The following SLIT3 variants were observed in gnomAD, a reference collection of about 807,000 sequenced individuals.
SLIT3 encodes the protein slit guidance ligand 3, also known as slit homolog 3 protein.
Under a neutral mutation model 184.0 loss-of-function variants are expected in SLIT3, and 68 were observed. The observed-to-expected ratio is 0.37, with a 90% CI of 0.30 to 0.45. SLIT3 has a LOEUF of 0.45. Among genes scored for constraint, SLIT3 ranks in the 20% least tolerant of loss-of-function variants. The pLI is 1.00. For missense variants in SLIT3, 1,707 were observed against 2,026.0 expected, an observed-to-expected ratio of 0.84 and a Z score of 3.02; for synonymous variants, 831 against 828.6, an observed-to-expected ratio of 1.00 and a Z score of -0.05.
Position 168,671,365 on chromosome 5 carries a change from G to C in SLIT3, c.3960C>G (p.Ala1320=). ...RINNELQDFK[A]LPPQSLGVSP... ...ACACCCCCAGGGACTGTGGTGGGAGGGCCTTGAAGTCCTGCAGCTCGTTGT... is the reference window on the plus strand; with the variant it reads ...ACACCCCCAGGGACTGTGGTGGGAGCGCCTTGAAGTCCTGCAGCTCGTTGT... Residue 1320 remains alanine (A), a synonymous_variant, in exon 34 of 36, where the codon GCC becomes GCG. Transcript: ENST00000519560. 1 of 1,614,154 alleles carries C rather than the reference G, an allele frequency of 6.2e-7. No individual in the cohort carries two copies. Among genetic ancestry groups the C allele is most frequent in the Non-Finnish European group, 8.5e-7 (1 of 1,180,016 alleles).
chr5:168,669,427 G>A (rs1261854875), intron 35 of SLIT3, among the ~76,000 whole-genome samples: 5 of 152,166 alleles, frequency 3.3e-5, no homozygotes, highest in African/African-American at 4.8e-5. Flanking sequence ...TGCTGCCTTG[G>A]GTTAGCCTAC....
At chr5:168,747,545 A>G (rs1754525441) in intron 20 of SLIT3, among the ~76,000 whole-genome samples, 1 of 152,142 alleles carries the variant, frequency 6.6e-6, no homozygotes, top group Non-Finnish European at 1.5e-5. Flanking sequence ...TCCTAGCTGC[A>G]GTGCTCTTGG....
chr5:168,710,871 G>A, intron 25 of SLIT3, 24 bp downstream of exon 25: 3 of 1,487,160 alleles, frequency 2.0e-6, no homozygotes, highest in Non-Finnish European at 2.7e-6. Flanking sequence ...GGGCAGGGGA[G>A]GGTGGGGTGT....
chr5:169,217,901 C>T (rs1196461094), intron 3 of SLIT3, among the ~76,000 whole-genome samples: 10 of 152,180 alleles, frequency 6.6e-5, no homozygotes, highest in African/African-American at 2.4e-4. Flanking sequence ...TGCTGTTTCC[C>T]GGCTGTCCAG....
At chr5:168,996,899 G>A (rs1239433670) in intron 4 of SLIT3, among the ~76,000 whole-genome samples, 3 of 152,172 alleles carry the variant, frequency 2.0e-5, no homozygotes, top group Non-Finnish European at 4.4e-5. Context: ...GAGGAGTGAT[G>A]TGTGGGAGAA....
At chr5:168,808,160 A>G (rs1032868002) in intron 8 of SLIT3, among the ~76,000 whole-genome samples, 2 of 150,930 alleles carry the variant, frequency 1.3e-5, no homozygotes, top group Non-Finnish European at 2.9e-5. Context: ...TCTAATGGAG[A>G]CCATGGAAAA....
intron 4 of SLIT3, among the ~76,000 whole-genome samples, chr5:169,159,275 A>C (rs1762400710): frequency 6.6e-6 from 1 of 150,442 alleles, no homozygotes; most frequent in Non-Finnish European, 1.5e-5. Context: ...ATAATACAAA[A>C]ATTAGCCATG....
chr5:168,807,899 G>A (rs962659382), intron 8 of SLIT3, among the ~76,000 whole-genome samples: 4 of 152,144 alleles, frequency 2.6e-5, no homozygotes, highest in South Asian at 4.1e-4. Context: ...CGCTCTCCGC[G>A]TTCAATAGTC....
intron 14 of SLIT3, among the ~76,000 whole-genome samples, chr5:168,765,608 A>G (rs1266765835): frequency 3.3e-5 from 5 of 152,190 alleles, no homozygotes; most frequent in Admixed American, 3.3e-4. Flanking sequence ...AACTACCCCA[A>G]AGTATTTTTA....
At chr5:169,011,520 G>C (rs1185199671) in intron 4 of SLIT3, among the ~76,000 whole-genome samples, 1 of 152,144 alleles carries the variant, frequency 6.6e-6, no homozygotes, top group Non-Finnish European at 1.5e-5. Flanking sequence ...ATGGAGAAGA[G>C]AGCCGTGCAA....
chr5:169,159,131 T>C (rs971657140), intron 4 of SLIT3, among the ~76,000 whole-genome samples: 2 of 151,724 alleles, frequency 1.3e-5, no homozygotes, highest in East Asian at 3.9e-4. Flanking sequence ...ATGCCTGTAA[T>C]CCCAGCGTTT....
chr5:169,262,232 A>G (rs1041970924), intron 1 of SLIT3, among the ~76,000 whole-genome samples: 1 of 152,224 alleles, frequency 6.6e-6, no homozygotes, highest in Admixed American at 6.5e-5. Flanking sequence ...ATAGGCCACC[A>G]CAAATAAACA....
At chr5:168,762,393 C>T (rs1581052658) in intron 15 of SLIT3, 146 bp downstream of exon 15, 3 of 757,926 alleles carry the variant, frequency 4.0e-6, no homozygotes, top group Middle Eastern at 6.3e-4. Context: ...TGGGTATCTA[C>T]CTTCAGACCA....
At position 168,842,479 on chromosome 5, in the gene SLIT3, T is replaced by TG. The variant is rs1554147709; in HGVS notation, c.557+2104_557+2105insC. 6.2e-5 allele frequency among the ~76,000 whole-genome samples: 9 copies of TG among 145,538 alleles called. 1 individual carries two copies. In the South Asian group the frequency reaches 9.0e-4, roughly 15 times the overall value. On this transcript the variant is annotated intron_variant, in intron 6 of 35. Coordinates refer to ENST00000519560, the MANE Select transcript of SLIT3 (RefSeq NM_003062.4). ...GGATACCGTTTTTTCGTTTTTTTTTTTTTTTTTTGTATCTGAGTAGAGGAG... is the reference window on the plus strand; with the variant it reads ...GGATACCGTTTTTTCGTTTTTTTTTTGTTTTTTTTGTATCTGAGTAGAGGAG...
chr5:168,787,960 G>T (rs1000421778), intron 11 of SLIT3, among the ~76,000 whole-genome samples: 8 of 150,980 alleles, frequency 5.3e-5, no homozygotes, highest in Non-Finnish European at 1.2e-4. Context: ...GGCATCTACT[G>T]CATGAATGAA....
At chr5:169,046,667 A>C (rs1165247277) in intron 4 of SLIT3, among the ~76,000 whole-genome samples, 2 of 152,214 alleles carry the variant, frequency 1.3e-5, no homozygotes, top group Non-Finnish European at 2.9e-5. Context: ...GCTCCGCAGA[A>C]AGCAACAGTG....
chr5:168,773,796 G>C (rs919794526), intron 13 of SLIT3, among the ~76,000 whole-genome samples: 16 of 152,210 alleles, frequency 1.1e-4, no homozygotes, highest in Non-Finnish European at 7.4e-5. Context: ...GGGGTTAAGC[G>C]GGGGCAGGAG....
At chr5:169,254,953 A>G (rs1581106530) in intron 1 of SLIT3, among the ~76,000 whole-genome samples, 1 of 152,264 alleles carries the variant, frequency 6.6e-6, no homozygotes, top group East Asian at 1.9e-4. Context: ...ACAGTCATGT[A>G]ACATATAGCA....
At chr5:168,667,441 G>C (rs1761093103) in intron 35 of SLIT3, among the ~76,000 whole-genome samples, 1 of 152,232 alleles carries the variant, frequency 6.6e-6, no homozygotes, top group Admixed American at 6.5e-5. Flanking sequence ...AAATGAGCTG[G>C]AGTTGATATC....
Sources: gnomAD v4.1 joint callset for allele counts (sites outside exome capture counted in the v4.1 genomes callset) on GRCh38, gnomAD v4.1.1 for gene constraint, MANE v1.5 for transcripts, NCBI Gene and HGNC (gene_info 2026-07-23, HGNC 2026-07-21) for gene names.